Variants in PDE1C observed in about 807,000 individuals in gnomAD.
PDE1C encodes phosphodiesterase 1C.
A neutral mutation model predicts 93.1 loss-of-function variants in PDE1C; 62 were observed. That is an observed-to-expected ratio of 0.67 (90% CI 0.54 to 0.82). PDE1C has a LOEUF of 0.82. Among genes scored for constraint, PDE1C ranks in the 40% least tolerant of loss-of-function variants. PDE1C has a pLI of 0.00. For missense variants in PDE1C, 742 were observed against 884.6 expected (o/e 0.84, Z 2.04); for synonymous variants, 325 against 310.1 (o/e 1.05, Z -0.50).
At chr7:31,733,868 G>A in the PDE1C span, among the ~76,000 whole-genome samples, 2 of 152,150 alleles carry the variant, frequency 1.3e-5, no homozygotes, top group African/African-American at 4.8e-5. Context: ...GCCAGGCATG[G>A]TGGCAGGTGC....
intron 2 of PDE1C, among the ~76,000 whole-genome samples, chr7:32,048,606 C>G (rs927369331): frequency 3.9e-5 from 6 of 152,036 alleles, no homozygotes; most frequent in African/African-American, 1.4e-4. Flanking sequence ...AGTCTCCATC[C>G]CCAGCAGCCC....
intron 1 of PDE1C, among the ~76,000 whole-genome samples, chr7:32,391,151 T>G (rs919071911): frequency 5.9e-5 from 9 of 152,216 alleles, no homozygotes; most frequent in Admixed American, 4.6e-4. Flanking sequence ...CACTTTAGAT[T>G]CAAAGAGACA....
chr7:31,886,184 C>T (rs535545606), intron 2 of PDE1C, among the ~76,000 whole-genome samples: 1 of 152,326 alleles, frequency 6.6e-6, no homozygotes, highest in Non-Finnish European at 1.5e-5. Flanking sequence ...TTCAGTTCAT[C>T]ACACCCATGT....
At chr7:31,687,837 C>A in the PDE1C span, among the ~76,000 whole-genome samples, 1 of 152,310 alleles carries the variant, frequency 6.6e-6, no homozygotes, top group East Asian at 1.9e-4. Context: ...GCTGTGGATA[C>A]AACCTTCTAC....
At chr7:31,849,047 T>C (rs2128797515) in intron 8 of PDE1C, among the ~76,000 whole-genome samples, 1 of 152,344 alleles carries the variant, frequency 6.6e-6, no homozygotes, top group East Asian at 1.9e-4. Flanking sequence ...TTAAATTTCA[T>C]TCCAAACCAA....
chr7:31,736,202 C>G, the PDE1C span, among the ~76,000 whole-genome samples: 1 of 152,206 alleles, frequency 6.6e-6, no homozygotes, highest in Non-Finnish European at 1.5e-5. Flanking sequence ...CGTTCCAGGT[C>G]TTGTACCAGC....
At chr7:31,906,756 T>C (rs568160671) in intron 2 of PDE1C, among the ~76,000 whole-genome samples, 1 of 152,188 alleles carries the variant, frequency 6.6e-6, no homozygotes, top group Non-Finnish European at 1.5e-5. Context: ...GGCTTTTGCA[T>C]TTACTAGTTG....
At chr7:31,841,374 A>G (rs1224925925) in intron 9 of PDE1C, among the ~76,000 whole-genome samples, 1 of 152,018 alleles carries the variant, frequency 6.6e-6, no homozygotes, top group Admixed American at 6.6e-5. Flanking sequence ...CTACTTAGGC[A>G]ATCATGTCAT....
At chr7:32,081,926 G>A (rs1166203699) in intron 3 of PDE1C, among the ~76,000 whole-genome samples, 3 of 152,318 alleles carry the variant, frequency 2.0e-5, no homozygotes, top group Admixed American at 6.5e-5. Flanking sequence ...AGCTCCCAGA[G>A]TGAGCGACGC....
intron 3 of PDE1C, among the ~76,000 whole-genome samples, chr7:32,162,697 C>T (rs1221161947): frequency 6.6e-6 from 1 of 152,112 alleles, no homozygotes; most frequent in African/African-American, 2.4e-5. Flanking sequence ...CCAATGGGTT[C>T]CAATGGGTTC....
intron 17 of PDE1C, among the ~76,000 whole-genome samples, chr7:31,764,938 A>G (rs1795048675): frequency 6.6e-6 from 1 of 152,248 alleles, no homozygotes; most frequent in Non-Finnish European, 1.5e-5. Flanking sequence ...ATTGGGATCT[A>G]CAGATCCGAA....
intron 1 of PDE1C, among the ~76,000 whole-genome samples, chr7:32,064,687 A>AAT (rs57440930): frequency 6.6e-6 from 1 of 152,058 alleles, no homozygotes; most frequent in Middle Eastern, 3.4e-3. Flanking sequence ...TGTATCATAA[A>AAT]ATATATATAT....
chr7:32,389,425 C>T (rs1435787124), intron 1 of PDE1C, among the ~76,000 whole-genome samples: 1 of 152,138 alleles, frequency 6.6e-6, no homozygotes, highest in Admixed American at 6.6e-5. Flanking sequence ...CCATGTTGGC[C>T]AGGCTGGTTT....
chr7:31,736,589 T>G, the PDE1C span, among the ~76,000 whole-genome samples: 1 of 152,332 alleles, frequency 6.6e-6, no homozygotes, highest in East Asian at 1.9e-4. Context: ...GGAAAAATTG[T>G]CACATTGCAG....
chr7:32,065,474 G>A (rs112210694), intron 1 of PDE1C, among the ~76,000 whole-genome samples: 2,516 of 152,214 alleles, frequency 0.017, 59 homozygotes, highest in African/African-American at 0.055. Flanking sequence ...CCAGGTAGAC[G>A]TAGCTTCCTT....
chr7:31,815,385 A>C (rs1788102947), intron 15 of PDE1C, among the ~76,000 whole-genome samples: 1 of 152,132 alleles, frequency 6.6e-6, no homozygotes, highest in Non-Finnish European at 1.5e-5. Context: ...CACTATGGTG[A>C]CCAGCTTACC....
the PDE1C span, among the ~76,000 whole-genome samples, chr7:31,722,094 G>A: frequency 2.0e-5 from 3 of 152,092 alleles, no homozygotes; most frequent in African/African-American, 7.2e-5. Flanking sequence ...CCAGCTCCAT[G>A]TTCGACTCCC....
intron 2 of PDE1C, among the ~76,000 whole-genome samples, chr7:32,042,567 C>A (rs1399278042): frequency 6.6e-6 from 1 of 152,188 alleles, no homozygotes; most frequent in East Asian, 1.9e-4. Context: ...CAGTAGGGGG[C>A]CCTCTGGACA....
chr7:31,626,718 G>T, the PDE1C span, among the ~76,000 whole-genome samples: 1 of 151,914 alleles, frequency 6.6e-6, no homozygotes, highest in Non-Finnish European at 1.5e-5. Flanking sequence ...CAAAACTCTT[G>T]TTGTGGCAGT....
Sources: gnomAD v4.1 joint callset for allele counts (sites outside exome capture counted in the v4.1 genomes callset) on GRCh38, gnomAD v4.1.1 for gene constraint, MANE v1.5 for transcripts, NCBI Gene and HGNC (gene_info 2026-07-23, HGNC 2026-07-21) for gene names.